The following LRP1B variants were observed in gnomAD, a reference collection of about 807,000 sequenced individuals.
The protein encoded by LRP1B is low-density lipoprotein receptor-related protein 1B.
LRP1B carries 217 observed loss-of-function variants against 556.6 expected under a neutral mutation model. The ratio of observed to expected loss-of-function variants is 0.39; its 90% CI spans 0.35 to 0.44. LRP1B has a LOEUF of 0.44. Ranked by LOEUF, LRP1B falls within the 20% of genes least tolerant of loss-of-function variation. LRP1B has a pLI of 1.00. For synonymous variants in LRP1B, 2,047 were observed against 1,865.8 expected, an observed-to-expected ratio of 1.10 and a Z score of -2.50; for missense variants, 5,053 against 5,620.8, an observed-to-expected ratio of 0.90 and a Z score of 3.23.
At chr2:140,926,876 C>A (rs1036525657) in intron 20 of LRP1B, among the ~76,000 whole-genome samples, 1 of 152,062 alleles carries the variant, frequency 6.6e-6, no homozygotes, top group African/African-American at 2.4e-5. Context: ...CTGAGTGTTT[C>A]TTTATCTCCC....
intron 20 of LRP1B, among the ~76,000 whole-genome samples, chr2:140,931,182 C>T (rs1424949584): frequency 1.3e-5 from 2 of 152,210 alleles, no homozygotes; most frequent in East Asian, 3.9e-4. Context: ...ACTAACAATG[C>T]AGTCAAGCCT....
chr2:140,296,163 C>T (rs1027206778), intron 84 of LRP1B, among the ~76,000 whole-genome samples: 1 of 152,020 alleles, frequency 6.6e-6, no homozygotes, highest in Non-Finnish European at 1.5e-5. Flanking sequence ...CATGATGCCA[C>T]GAGTGGAAAA....
At chr2:140,472,092 TTA>T (rs1687794984) in intron 60 of LRP1B, among the ~76,000 whole-genome samples, 1 of 152,166 alleles carries the variant, frequency 6.6e-6, no homozygotes, top group South Asian at 2.1e-4. Context: ...ACAATCTAAT[TTA>T]TGTCTTTACC....
chr2:142,020,137 C>G (rs1034207643), intron 1 of LRP1B, among the ~76,000 whole-genome samples: 1 of 152,090 alleles, frequency 6.6e-6, no homozygotes, highest in Non-Finnish European at 1.5e-5. Flanking sequence ...GCTTAGAGTA[C>G]AGGCAATCAA....
intron 11 of LRP1B, 141 bp downstream of exon 11, chr2:141,048,845 A>G (rs1321024977): frequency 3.0e-6 from 2 of 670,648 alleles, no homozygotes. Context: ...ATGTTAATGA[A>G]GAAATAACAT....
chr2:141,744,050 C>T (rs1693823265), intron 2 of LRP1B, among the ~76,000 whole-genome samples: 1 of 151,240 alleles, frequency 6.6e-6, no homozygotes, highest in Non-Finnish European at 1.5e-5. Flanking sequence ...GTTTAGTTTG[C>T]TCTGGCTTTT....
At chr2:140,913,456 G>A (rs1019017601) in intron 21 of LRP1B, among the ~76,000 whole-genome samples, 3 of 151,930 alleles carry the variant, frequency 2.0e-5, no homozygotes, top group Admixed American at 1.3e-4. Flanking sequence ...TTTGAACAGC[G>A]TTTTGAAGGA....
intron 83 of LRP1B, among the ~76,000 whole-genome samples, chr2:140,313,802 A>T (rs1208998539): frequency 6.6e-6 from 1 of 151,922 alleles, no homozygotes; most frequent in Admixed American, 6.6e-5. Flanking sequence ...TTTATGAACT[A>T]GCCTCCCTTA....
chr2:141,224,464 C>T (rs113469265), intron 6 of LRP1B, among the ~76,000 whole-genome samples: 2,259 of 152,226 alleles, frequency 0.015, 34 homozygotes, highest in Middle Eastern at 0.034. Flanking sequence ...CCATTTGACC[C>T]GGCAATCCCA....
intron 21 of LRP1B, among the ~76,000 whole-genome samples, chr2:140,908,806 T>C (rs1559188291): frequency 6.6e-6 from 1 of 152,194 alleles, no homozygotes; most frequent in Non-Finnish European, 1.5e-5. Context: ...ATTTTTGTTT[T>C]GTTTTGTTTT....
At chr2:141,754,325 G>A (rs1694244926) in intron 2 of LRP1B, among the ~76,000 whole-genome samples, 1 of 151,990 alleles carries the variant, frequency 6.6e-6, no homozygotes, top group Non-Finnish European at 1.5e-5. Flanking sequence ...TTTTCCAGGT[G>A]AGCAAGTTAC....
At chr2:140,640,198 G>T (rs975172284) in intron 41 of LRP1B, among the ~76,000 whole-genome samples, 11 of 149,868 alleles carry the variant, frequency 7.3e-5, no homozygotes, top group African/African-American at 2.5e-4. Context: ...TAGAGACGGG[G>T]TTTCACTGTG....
intron 7 of LRP1B, among the ~76,000 whole-genome samples, chr2:141,097,169 CAG>C (rs1223110058): frequency 1.3e-5 from 2 of 152,070 alleles, no homozygotes; most frequent in African/African-American, 4.8e-5. Flanking sequence ...TACATGATTA[CAG>C]AGTTAATCAT....
intron 1 of LRP1B, among the ~76,000 whole-genome samples, chr2:142,030,913 G>A (rs1703669055): frequency 6.6e-6 from 1 of 151,860 alleles, no homozygotes; most frequent in African/African-American, 2.4e-5. Flanking sequence ...AAATCCAAAT[G>A]TTCCTCAGTC....
intron 7 of LRP1B, among the ~76,000 whole-genome samples, chr2:141,131,409 A>T (rs867364345): frequency 6.7e-5 from 5 of 74,306 alleles, no homozygotes; most frequent in African/African-American, 1.6e-4. Context: ...GCATAAAGTT[A>T]TATATATATA....
intron 1 of LRP1B, among the ~76,000 whole-genome samples, chr2:141,947,855 C>G (rs1171850532): frequency 1.3e-5 from 2 of 149,768 alleles, no homozygotes; most frequent in Non-Finnish European, 3.0e-5. Context: ...GTTTCCTGCA[C>G]AAAGACAGTT....
intron 1 of LRP1B, among the ~76,000 whole-genome samples, chr2:142,058,992 A>G (rs1017408043): frequency 2.6e-5 from 4 of 152,126 alleles, no homozygotes; most frequent in African/African-American, 9.6e-5. Context: ...TGCCATAAGC[A>G]TTATTTACAT....
chr2:141,633,949 C>G (rs1414497161), intron 2 of LRP1B, among the ~76,000 whole-genome samples: 2 of 151,814 alleles, frequency 1.3e-5, no homozygotes, highest in East Asian at 3.9e-4. Context: ...AATTTAAGCC[C>G]TTTGATCTTG....
chr2:141,049,000 G>C lies in LRP1B; in HGVS notation c.1775C>G (p.Thr592Ser), dbSNP rs2105445450. Residue 592 changes from threonine (T) to serine (S), a missense_variant, in exon 11 of 91, where the codon ACC becomes AGC. Transcript: ENST00000389484. ...GTGTCACTTACCATCTTTCAGGATG[G>C]TTTCTCTCTCTGTGCCATCTATCTT... ...RQKIDGTERE[T>S]ILKDDLDNVE... 6.2e-7 allele frequency: 1 copy of C among 1,612,218 alleles called. No homozygotes were observed. Among genetic ancestry groups the C allele is most frequent in the Non-Finnish European group, 8.5e-7 (1 of 1,178,526 alleles).
Sources: gnomAD v4.1 joint callset for allele counts (sites outside exome capture counted in the v4.1 genomes callset) on GRCh38, gnomAD v4.1.1 for gene constraint, MANE v1.5 for transcripts, NCBI Gene and HGNC (gene_info 2026-07-23, HGNC 2026-07-21) for gene names.